The following ADAMTS17 variants were observed in gnomAD, a reference collection of about 807,000 sequenced individuals.
The protein encoded by ADAMTS17 is ADAM metallopeptidase with thrombospondin type 1 motif 17, also known as A disintegrin and metalloproteinase with thrombospondin motifs 17.
Under a neutral mutation model 141.5 loss-of-function variants are expected in ADAMTS17, and 113 were observed. That is an observed-to-expected ratio of 0.80 (90% CI 0.69 to 0.93). The LOEUF (loss-of-function observed/expected upper bound fraction) is 0.93, where lower values mean the gene tolerates loss of function less well. Ranked by LOEUF, ADAMTS17 falls within the 40% of genes least tolerant of loss-of-function variation. ADAMTS17 has a pLI of 0.00. For missense variants in ADAMTS17, 1,659 were observed against 1,517.9 expected, an observed-to-expected ratio of 1.09 and a Z score of -1.54; for synonymous variants, 768 against 630.6, an observed-to-expected ratio of 1.22 and a Z score of -3.27.
chr15:100,141,329 C>A (rs950517459), intron 10 of ADAMTS17, among the ~76,000 whole-genome samples: 1 of 152,154 alleles, frequency 6.6e-6, no homozygotes, highest in Non-Finnish European at 1.5e-5. Context: ...CTGTCAAGGA[C>A]TGTGAAGGTC....
At chr15:100,093,837 C>T (rs1400752684) in intron 15 of ADAMTS17, among the ~76,000 whole-genome samples, 4 of 152,114 alleles carry the variant, frequency 2.6e-5, no homozygotes, top group African/African-American at 9.7e-5. Flanking sequence ...TTTCTGTATA[C>T]CTAGCGGTTA....
At chr15:100,131,866 C>G in intron 12 of ADAMTS17, 141 bp downstream of exon 12, 2 of 1,317,324 alleles carry the variant, frequency 1.5e-6, no homozygotes, top group East Asian at 4.7e-5. Flanking sequence ...GTCCCTGCAC[C>G]CTGGACCTTG....
At chr15:100,264,049 TAC>T (rs1855766134) in intron 4 of ADAMTS17, among the ~76,000 whole-genome samples, 1 of 152,156 alleles carries the variant, frequency 6.6e-6, no homozygotes, top group African/African-American at 2.4e-5. Context: ...AAACCATTAT[TAC>T]AGTTAAAAAA....
At chr15:100,000,711 C>T (rs1435362517) in intron 18 of ADAMTS17, among the ~76,000 whole-genome samples, 1 of 151,792 alleles carries the variant, frequency 6.6e-6, no homozygotes, top group Non-Finnish European at 1.5e-5. Context: ...ACGGGTTTCA[C>T]CATGTTGGTC....
At chr15:100,134,578 C>T (rs921724572) in intron 10 of ADAMTS17, among the ~76,000 whole-genome samples, 3 of 152,078 alleles carry the variant, frequency 2.0e-5, no homozygotes, top group South Asian at 2.1e-4. Flanking sequence ...CAAAGGGTGT[C>T]GAGTTCAGTT....
At chr15:100,204,556 G>A (rs1008091072) in intron 7 of ADAMTS17, among the ~76,000 whole-genome samples, 7 of 152,220 alleles carry the variant, frequency 4.6e-5, no homozygotes, top group African/African-American at 1.7e-4. Context: ...TAGAGGCTAG[G>A]ATGTGACAAA....
intron 3 of ADAMTS17, among the ~76,000 whole-genome samples, chr15:100,329,200 G>T (rs1388888271): frequency 2.0e-5 from 3 of 152,108 alleles, no homozygotes; most frequent in Admixed American, 1.3e-4. Flanking sequence ...GTGCCGGTAC[G>T]TCAAGACAGA....
rs922631314 is a variant in ADAMTS17 at position 99,997,530 on chromosome 15, C to T, written c.2651G>A (p.Arg884Gln). 1.1e-5 allele frequency: 17 copies of T among 1,613,452 alleles called. No individual in the cohort carries two copies. Among genetic ancestry groups the T allele is most frequent in the Admixed American group, 3.3e-5 (2 of 60,010 alleles). The stretch of plus-strand genomic sequence containing the variant: ...CAGCTGGTACACGCAGGTCACCTCC[C>T]GGTGCTGGAAGCCTTTCTCACAGGT... ...SATCEKGFQHREVTCVYQLQN... is the reference protein window; with the variant it reads ...SATCEKGFQHQEVTCVYQLQN... The change falls in exon 19 of 22, where the codon CGG becomes CAG. Residue 884 changes from arginine (R) to glutamine (Q), a missense_variant. Physicochemically the swap from Arg to Gln is conservative, Grantham distance 43. Coordinates refer to ENST00000268070, the MANE Select transcript of ADAMTS17 (RefSeq NM_139057.4). The surrounding 1 kb of genome is among the most constrained non-coding windows in gnomAD (Gnocchi z 4.7).
intron 8 of ADAMTS17, among the ~76,000 whole-genome samples, chr15:100,178,549 A>G (rs1029598405): frequency 6.6e-6 from 1 of 152,134 alleles, no homozygotes; most frequent in South Asian, 2.1e-4. Flanking sequence ...AGAATACTCT[A>G]TAATATGTAG....
At position 100,109,043 on chromosome 15, in the gene ADAMTS17, G is replaced by A. The variant is rs61752832; in HGVS notation, c.1962C>T (p.Asp654=). 144,810 of 1,613,994 alleles carry A rather than the reference G, an allele frequency of 0.09. 6,876 individuals are homozygous for A. Among genetic ancestry groups the A allele is most frequent in the South Asian group, 0.13 (11,600 of 91,080 alleles). ...SPLLVADRVL[D]GTPCGPYETD... ...TCTCGTAGGGCCCGCAGGGTGTACC[G>A]TCCAGGACCCTGTCGGCCACCAGCA... is the stretch of plus-strand genomic sequence containing the variant. The change falls in exon 14 of 22, where the codon GAC becomes GAT. Residue 654 remains aspartate, a synonymous_variant. Transcript: ENST00000268070.
chr15:99,997,662 G>T lies in ADAMTS17; in HGVS notation c.2592-73C>A. ...GCCTCTCCGGAGGGCCTTCCGGCCG[G>T]ATCCTGGAATTGCTGCCCTGTGGTG... On this transcript the variant is annotated intron_variant, in intron 18 of 21. Transcript: ENST00000268070. This position sits in a 1 kb window ranked among gnomAD's most constrained non-coding sequence, Gnocchi z 4.7. 5.7e-6 allele frequency: 9 copies of T among 1,590,770 alleles called. No homozygotes were observed. Among genetic ancestry groups the T allele is most frequent in the Non-Finnish European group, 7.7e-6 (9 of 1,164,014 alleles).
chr15:100,089,806 G>A (rs1201081228), intron 15 of ADAMTS17, among the ~76,000 whole-genome samples: 3 of 143,726 alleles, frequency 2.1e-5, no homozygotes, highest in Non-Finnish European at 3.0e-5. Context: ...CACAGGAAGG[G>A]GAACATCACA....
intron 20 of ADAMTS17, chr15:99,979,701 A>G (rs1283526167): frequency 6.6e-6 from 1 of 152,202 alleles, no homozygotes; most frequent in Admixed American, 6.5e-5. Context: ...CACTACAATC[A>G]CCAGGTTGCA....
At chr15:99,988,636 C>A (rs1015903261) in intron 20 of ADAMTS17, among the ~76,000 whole-genome samples, 75 of 152,322 alleles carry the variant, frequency 4.9e-4, no homozygotes, top group African/African-American at 1.7e-3. Context: ...CAAAAGTGGG[C>A]ACAGTGACTC....
At chr15:100,015,517 C>T (rs1014417791) in intron 18 of ADAMTS17, among the ~76,000 whole-genome samples, 1 of 152,070 alleles carries the variant, frequency 6.6e-6, no homozygotes, top group African/African-American at 2.4e-5. Flanking sequence ...GAATTTGTTT[C>T]AAGATTTAGA....
At chr15:100,182,805 T>G (rs1315765687) in intron 8 of ADAMTS17, among the ~76,000 whole-genome samples, 1 of 152,186 alleles carries the variant, frequency 6.6e-6, no homozygotes, top group Admixed American at 6.5e-5. Context: ...AGTTTTTTCT[T>G]TAAGGAATTT....
At chr15:100,310,301 G>A (rs1411051705) in intron 3 of ADAMTS17, among the ~76,000 whole-genome samples, 3 of 152,220 alleles carry the variant, frequency 2.0e-5, no homozygotes, top group Non-Finnish European at 2.9e-5. Context: ...GGGAGAGGAG[G>A]GGTAATAAAG....
chr15:100,183,087 C>A (rs2040582690), intron 8 of ADAMTS17, among the ~76,000 whole-genome samples: 1 of 152,090 alleles, frequency 6.6e-6, no homozygotes. Flanking sequence ...CTCCTGGGTT[C>A]AAGTGATTCT....
chr15:100,330,833 A>T (rs921096738), intron 3 of ADAMTS17, 56 bp downstream of exon 3: 4 of 1,598,982 alleles, frequency 2.5e-6, no homozygotes, highest in Non-Finnish European at 3.4e-6. Flanking sequence ...GGAGACACAC[A>T]AAGGATGTGG....
Sources: allele counts gnomAD v4.1 joint callset (sites outside exome capture counted in the v4.1 genomes callset), GRCh38; gene constraint gnomAD v4.1.1; non-coding constraint Gnocchi (gnomAD v3.1); transcripts MANE v1.5; gene names NCBI Gene and HGNC (gene_info 2026-07-23, HGNC 2026-07-21).